RRM1: variants seen among roughly 807,000 people sequenced by gnomAD.
RRM1 encodes the protein ribonucleoside-diphosphate reductase large subunit.
A neutral mutation model predicts 101.5 loss-of-function variants in RRM1; 19 were observed. The ratio of observed to expected loss-of-function variants is 0.19; its 90% CI spans 0.13 to 0.27. The LOEUF (loss-of-function observed/expected upper bound fraction) is 0.27, where lower values mean the gene tolerates loss of function less well. RRM1 is among the 10% of genes least tolerant of loss of function. The pLI, the probability that RRM1 is intolerant of heterozygous loss-of-function variation, is 1.00. For missense variants in RRM1, 500 were observed against 962.9 expected (o/e 0.52, Z 6.36); for synonymous variants, 298 against 323.4 (o/e 0.92, Z 0.84).
chr11:4,116,446 GC>G (rs1180526658), intron 7 of RRM1: 1 of 152,200 alleles, frequency 6.6e-6, no homozygotes, highest in Non-Finnish European at 1.5e-5. Context: ...ACAACTATTA[GC>G]CAGGCGTGGT....
chr11:4,109,371 A>C (rs1158907467), intron 4 of RRM1, among the ~76,000 whole-genome samples: 2 of 152,068 alleles, frequency 1.3e-5, no homozygotes, highest in East Asian at 3.8e-4. Flanking sequence ...AGTTTGGAAA[A>C]TCACATTTAA....
At chr11:4,110,115 A>G (rs2133295318) in intron 5 of RRM1, among the ~76,000 whole-genome samples, 1 of 152,224 alleles carries the variant, frequency 6.6e-6, no homozygotes, top group East Asian at 1.9e-4. Flanking sequence ...CCATTTTAGA[A>G]TGGGGAGAAT....
intron 11 of RRM1, 72 bp downstream of exon 11, chr11:4,122,292 CA>C: frequency 9.0e-7 from 1 of 1,110,010 alleles, no homozygotes; most frequent in South Asian, 1.4e-5. Context: ...GTCCAAATAT[CA>C]AAAGTACTTG....
intron 15 of RRM1, among the ~76,000 whole-genome samples, chr11:4,131,461 G>A (rs188309522): frequency 7.2e-5 from 11 of 152,314 alleles, no homozygotes; most frequent in African/African-American, 2.4e-4. Context: ...ATGTAGGAAA[G>A]ACAGGCTCTT....
intron 1 of RRM1, among the ~76,000 whole-genome samples, chr11:4,099,951 C>CG (rs397796084): frequency 1.3e-5 from 2 of 152,048 alleles, no homozygotes; most frequent in Non-Finnish European, 2.9e-5. Flanking sequence ...TTTCCCCCCC[C>CG]ACTGCATGTA....
At chr11:4,106,279 A>G in intron 3 of RRM1, 56 bp downstream of exon 3, 1 of 1,403,446 alleles carries the variant, frequency 7.1e-7, no homozygotes, top group East Asian at 2.4e-5. Flanking sequence ...TAATAAGGGT[A>G]CTAGAAATAA....
intron 18 of RRM1, among the ~76,000 whole-genome samples, chr11:4,136,749 TG>T (rs1255991166): frequency 4.6e-5 from 7 of 151,842 alleles, no homozygotes; most frequent in African/African-American, 4.8e-5. Context: ...TTTGTTTGTT[TG>T]TTTGTTTTTT....
intron 7 of RRM1, among the ~76,000 whole-genome samples, chr11:4,112,631 T>A (rs985661111): frequency 6.6e-6 from 1 of 152,222 alleles, no homozygotes; most frequent in Non-Finnish European, 1.5e-5. Context: ...CCCAAAGTGC[T>A]GGGATTGTAG....
rs1433697008 is a variant in RRM1 at position 4,126,796 on chromosome 11, A to G, written c.1433A>G (p.Asn478Ser). 6.2e-7 allele frequency: 1 copy of G among 1,613,428 alleles called. No individual in the cohort carries two copies. Among genetic ancestry groups the G allele is most frequent in the Non-Finnish European group, 8.5e-7 (1 of 1,179,460 alleles). The change falls in exon 13 of 19, where the codon AAT becomes AGT. Residue 478 changes from asparagine to serine, a missense_variant. By Grantham distance (46) the Asn-to-Ser change is conservative. Coordinates refer to ENST00000300738, the MANE Select transcript of RRM1 (RefSeq NM_001033.5). ...ACTAAAGTCGTTGTCCGAAACTTGA[A>G]TAAAATTATTGATATAAACTACTAT... is the stretch of plus-strand genomic sequence containing the variant. ...EVTKVVVRNLNKIIDINYYPV... is the reference protein window; with the variant it reads ...EVTKVVVRNLSKIIDINYYPV...
rs1054795747 is a variant in RRM1, at chr11:4,132,480, A to G, written c.1905+59A>G. ...CTTTCAAAAGCCTGATGTTGGGAGTAAATGCTCACTCATGTTTAATTTGCC... is the reference window on the plus strand; with the variant it reads ...CTTTCAAAAGCCTGATGTTGGGAGTGAATGCTCACTCATGTTTAATTTGCC... On this transcript the variant is annotated intron_variant, in intron 16 of 18. Transcript: ENST00000300738. This position sits in a 1 kb window ranked among gnomAD's most constrained non-coding sequence, Gnocchi z 4.1. 7.6e-6 allele frequency: 12 copies of G among 1,583,388 alleles called. No homozygotes were observed. Among genetic ancestry groups the G allele is most frequent in the Non-Finnish European group, 9.5e-6 (11 of 1,157,030 alleles).
intron 3 of RRM1, among the ~76,000 whole-genome samples, chr11:4,106,528 G>A (rs1021565057): frequency 2.0e-5 from 3 of 151,874 alleles, no homozygotes; most frequent in African/African-American, 7.3e-5. Flanking sequence ...CAGGTGGATC[G>A]CTGAGGTCAG....
intron 1 of RRM1, among the ~76,000 whole-genome samples, chr11:4,097,930 TAGAAG>T (rs2094545862): frequency 6.6e-6 from 1 of 152,202 alleles, no homozygotes; most frequent in Non-Finnish European, 1.5e-5. Context: ...AATTATTAGA[TAGAAG>T]AGAATAGTAG....
intron 11 of RRM1, 133 bp from the exon 12 acceptor site, chr11:4,123,050 T>A: frequency 1.4e-6 from 1 of 730,648 alleles, no homozygotes; most frequent in Non-Finnish European, 2.2e-6. Context: ...AATATCATAT[T>A]CCTTTTTTTC....
chr11:4,097,670 C>T (rs2094545545), intron 1 of RRM1, among the ~76,000 whole-genome samples: 1 of 152,092 alleles, frequency 6.6e-6, no homozygotes, highest in Admixed American at 6.6e-5. Context: ...CAGCTCACTG[C>T]AGTGTCTGCC....
chr11:4,120,291 C>G (rs925298561), intron 9 of RRM1, among the ~76,000 whole-genome samples: 5 of 152,064 alleles, frequency 3.3e-5, no homozygotes, highest in African/African-American at 1.2e-4. Flanking sequence ...CATGATAGTT[C>G]GTTTGCAAAG....
intron 9 of RRM1, among the ~76,000 whole-genome samples, chr11:4,121,127 A>G (rs1312469465): frequency 6.6e-6 from 1 of 152,242 alleles, no homozygotes; most frequent in African/African-American, 2.4e-5. Flanking sequence ...ATGGTTTACA[A>G]CTAGAGTCTG....
In RRM1 at chr11:4,111,629, T is replaced by G. The variant is rs1271763299; in HGVS notation, c.476T>G (p.Ile159Ser). Residue 159 changes from isoleucine (I) to serine (S), a missense_variant, in exon 6 of 19, where the codon ATC becomes AGC. This residue lies in a region of RRM1 where 111 missense variants were observed against 219.8 expected (regional missense o/e 0.51). Transcript: ENST00000300738. ...CTAGAGCGGTCTTATTTGTTGAAGA[T>G]CAATGGAAAAGGTGAGAAATGAACA... is the stretch of plus-strand genomic sequence containing the variant. ...KTLERSYLLK[I>S]NGKVAERPQH... is the part of the protein sequence containing the mutation. 1.2e-6 allele frequency: 2 copies of G among 1,604,880 alleles called. No homozygotes were observed. Among genetic ancestry groups the G allele is most frequent in the Non-Finnish European group, 1.7e-6 (2 of 1,175,268 alleles).
chr11:4,114,465 G>A (rs1293142616), intron 7 of RRM1, among the ~76,000 whole-genome samples: 1 of 150,626 alleles, frequency 6.6e-6, no homozygotes, highest in Non-Finnish European at 1.5e-5. Flanking sequence ...CAGGAGAATT[G>A]CTTGAACCTG....
At position 4,102,054 on chromosome 11, in the gene RRM1, T is replaced by C; in HGVS notation, c.81T>C (p.Tyr27=). The change falls in exon 2 of 19, where the codon TAT becomes TAC. Residue 27 remains tyrosine (Y), a synonymous_variant. Coordinates refer to ENST00000300738, the MANE Select transcript of RRM1 (RefSeq NM_001033.5). ...KITSRIQKLC[Y]GLNMDFVDPA... is the part of the protein sequence containing the mutation. ...CATCTCGAATCCAGAAGCTTTGTTA[T>C]GGACTCAATATGGATTTTGTTGATC... 6.3e-7 allele frequency: 1 copy of C among 1,593,706 alleles called. No homozygotes were observed. The highest frequency in any genetic ancestry group is 8.6e-7 in the Non-Finnish European group (1 of 1,163,100).
Sources: allele counts gnomAD v4.1 joint callset (sites outside exome capture counted in the v4.1 genomes callset), GRCh38; gene constraint gnomAD v4.1.1; regional missense constraint gnomAD v4.1.1; non-coding constraint Gnocchi (gnomAD v3.1); transcripts MANE v1.5; gene names NCBI Gene and HGNC (gene_info 2026-07-23, HGNC 2026-07-21).